The following POTEC variants were observed in gnomAD, a reference collection of about 807,000 sequenced individuals.
POTEC encodes the protein ANKRD26-like family B member 2.
POTEC carries 35 observed loss-of-function variants against 62.0 expected under a neutral mutation model. The observed-to-expected ratio is 0.56, with a 90% CI of 0.43 to 0.75. POTEC has a LOEUF of 0.75. Among genes scored for constraint, POTEC ranks in the 30% least tolerant of loss-of-function variants. The pLI, the probability that POTEC is intolerant of heterozygous loss-of-function variation, is 0.00. For missense variants in POTEC, 472 were observed against 655.9 expected (o/e 0.72, Z 3.06); for synonymous variants, 156 against 221.5 (o/e 0.70, Z 2.62).
intron 7 of POTEC, among the ~76,000 whole-genome samples, chr18:14,524,136 A>C (rs183256344): frequency 0.01 from 1,543 of 152,254 alleles, 31 homozygotes; most frequent in South Asian, 0.058. Context: ...ATATATTCTA[A>C]GGTGTACTAA....
At chr18:14,533,902 T>TC (rs1362802138) in intron 4 of POTEC, among the ~76,000 whole-genome samples, 4 of 104,654 alleles carry the variant, frequency 3.8e-5, no homozygotes, top group African/African-American at 1.5e-4. Flanking sequence ...GCCCAGCTAG[T>TC]TTTTTTTTTG....
In POTEC at chr18:14,523,775, A is replaced by G. The variant is rs1910367426; in HGVS notation, c.1198-268T>C. 1.3e-5 allele frequency among the ~76,000 whole-genome samples: 2 copies of G among 152,154 alleles called. 1 individual carries two copies. The highest frequency in any genetic ancestry group is 4.1e-4 in the South Asian group (2 of 4,830). ...AATAATTCACCTCAGACAAAGGGAG[A>G]ATAAAAACATCAACCAGCAAACTTA... On this transcript the variant is annotated intron_variant, in intron 7 of 10. Coordinates refer to ENST00000358970, the MANE Select transcript of POTEC (RefSeq NM_001137671.2).
intron 7 of POTEC, 100 bp downstream of exon 7, chr18:14,524,813 A>G (rs1465896127): frequency 4.0e-5 from 53 of 1,320,008 alleles, no homozygotes; most frequent in Non-Finnish European, 4.9e-5. Context: ...ATTGATTCTT[A>G]AAACCTAGTC....
chr18:14,539,623 T>C (rs1350949895), intron 1 of POTEC, among the ~76,000 whole-genome samples: 1 of 151,058 alleles, frequency 6.6e-6, no homozygotes, highest in Non-Finnish European at 1.5e-5. Flanking sequence ...CTTTCTTTTA[T>C]GGCTACATAG....
intron 9 of POTEC, 39 bp from the exon 10 acceptor site, chr18:14,513,824 T>C (rs1196559477): frequency 1.6e-5 from 26 of 1,602,518 alleles, no homozygotes; most frequent in Non-Finnish European, 2.0e-5. Flanking sequence ...ACTGGAGGTG[T>C]CCCTAAAATG....
Position 14,543,505 on chromosome 18 carries a change from A to G in POTEC, c.-359T>C, listed in dbSNP as rs56077734. 29,374 of 423,190 alleles carry G rather than the reference A, an allele frequency of 0.069. 1,190 individuals are homozygous for G. The highest frequency in any genetic ancestry group is 0.079 in the Non-Finnish European group (18,480 of 233,030). The allele number at this position is 423,190 out of a possible 1,614,324, so 26.2% of individuals were successfully genotyped here. On this transcript the variant is annotated 5_prime_UTR_variant, in exon 1 of 11. Coordinates refer to ENST00000358970, the MANE Select transcript of POTEC (RefSeq NM_001137671.2). ...AACGCCAATCCAAGCAAGAAACACC[A>G]GGCAAAGCGACTAACGCCAAGCCAA... is the stretch of plus-strand genomic sequence containing the variant.
chr18:14,510,831 G>A lies in POTEC; in HGVS notation c.*1067C>T, dbSNP rs1909986080. 6.6e-6 allele frequency: 1 copy of A among 152,144 alleles called. No individual in the cohort carries two copies. The highest frequency in any genetic ancestry group is 2.4e-5 in the African/African-American group (1 of 41,414). 9.4% of individuals were successfully genotyped at this position (152,144 alleles called of 1,614,324 possible). A position where few individuals can be genotyped will look rare whatever the true frequency, so the allele number is the denominator to read the frequency against. On this transcript the variant is annotated 3_prime_UTR_variant, in exon 11 of 11. Transcript: ENST00000358970. ...AGCCCCTGGTCTCCTCAGACACTCTGAAACTCTAAGACTGAACTGGCTGAG... is the reference window on the plus strand; with the variant it reads ...AGCCCCTGGTCTCCTCAGACACTCTAAAACTCTAAGACTGAACTGGCTGAG...
intron 7 of POTEC, 35 bp downstream of exon 7, chr18:14,524,878 T>C (rs746918613): frequency 2.5e-6 from 4 of 1,599,124 alleles, no homozygotes; most frequent in Non-Finnish European, 3.4e-6. Context: ...GAAAACAACA[T>C]TAAATCAAAA....
At chr18:14,522,680 A>T (rs1910341640) in intron 8 of POTEC, among the ~76,000 whole-genome samples, 1 of 152,138 alleles carries the variant, frequency 6.6e-6, no homozygotes, top group African/African-American at 2.4e-5. Context: ...TCCAAAATTC[A>T]AAAAGGGCCC....
chr18:14,528,613 G>C (rs1910500478), intron 6 of POTEC, among the ~76,000 whole-genome samples: 1 of 151,824 alleles, frequency 6.6e-6, no homozygotes, highest in Non-Finnish European at 1.5e-5. Context: ...AAGGAGACAT[G>C]AATAAAACAC....
intron 9 of POTEC, among the ~76,000 whole-genome samples, chr18:14,519,759 G>A (rs963062969): frequency 4.6e-5 from 7 of 151,814 alleles, no homozygotes; most frequent in Non-Finnish European, 7.4e-5. Context: ...AGATTGAGGA[G>A]TGAGCCCTGG....
intron 9 of POTEC, among the ~76,000 whole-genome samples, chr18:14,521,668 A>G (rs920131807): frequency 1.3e-5 from 2 of 152,148 alleles, no homozygotes; most frequent in Non-Finnish European, 1.5e-5. Flanking sequence ...CAGTGTATGA[A>G]ATGTCTTTTT....
At chr18:14,524,691 CTAAA>C (rs1320812148) in intron 7 of POTEC, among the ~76,000 whole-genome samples, 1 of 151,666 alleles carries the variant, frequency 6.6e-6, no homozygotes, top group African/African-American at 2.4e-5. Flanking sequence ...TGTTTTTAAG[CTAAA>C]TATCAAATGT....
chr18:14,542,524 C>G, intron 1 of POTEC, 102 bp downstream of exon 1: 1 of 1,559,848 alleles, frequency 6.4e-7, no homozygotes, highest in Non-Finnish European at 8.7e-7. Flanking sequence ...GGTGTGGGGC[C>G]TGCGGAGGAA....
intron 9 of POTEC, among the ~76,000 whole-genome samples, chr18:14,515,615 C>A (rs1193785482): frequency 6.6e-6 from 1 of 150,838 alleles, no homozygotes; most frequent in Admixed American, 6.6e-5. Context: ...ATGATGAGGA[C>A]CCTGAAAGCA....
chr18:14,543,319 A>T lies in POTEC; in HGVS notation c.-173T>A, dbSNP rs1228997088. ...GCCCAGTCCACCCCACCCAGGGAAA[A>T]CCCACACCCACCCGGGGAAAGCCCA... On this transcript the variant is annotated 5_prime_UTR_variant, in exon 1 of 11. Coordinates refer to ENST00000358970, the MANE Select transcript of POTEC (RefSeq NM_001137671.2). 8.4e-7 allele frequency: 1 copy of T among 1,188,106 alleles called. No homozygotes were observed. Among genetic ancestry groups the T allele is most frequent in the Non-Finnish European group, 1.2e-6 (1 of 859,502 alleles). The allele number at this position is 1,188,106 out of a possible 1,614,324, so 73.6% of individuals were successfully genotyped here. A position where few individuals can be genotyped will look rare whatever the true frequency, so the allele number is the denominator to read the frequency against.
At chr18:14,525,776 T>C (rs2143135936) in intron 6 of POTEC, among the ~76,000 whole-genome samples, 1 of 152,296 alleles carries the variant, frequency 6.6e-6, no homozygotes, top group Non-Finnish European at 1.5e-5. Flanking sequence ...TCCTGTTTTC[T>C]GCAAAAATAG....
intron 4 of POTEC, among the ~76,000 whole-genome samples, chr18:14,534,271 G>A (rs1905631915): frequency 1.3e-5 from 2 of 151,012 alleles, no homozygotes; most frequent in South Asian, 2.1e-4. Context: ...TTCATTAAAG[G>A]AAAAGTGTAT....
intron 9 of POTEC, among the ~76,000 whole-genome samples, chr18:14,517,083 A>T (rs1295499528): frequency 6.7e-6 from 1 of 149,082 alleles, no homozygotes; most frequent in East Asian, 2.1e-4. Context: ...ACAGAGAAAT[A>T]TGTATTTTTT....
Sources: allele counts gnomAD v4.1 joint callset (sites outside exome capture counted in the v4.1 genomes callset), GRCh38; gene constraint gnomAD v4.1.1; transcripts MANE v1.5; gene names NCBI Gene and HGNC (gene_info 2026-07-23, HGNC 2026-07-21).